Variants in CFAP77 observed in about 807,000 individuals in gnomAD.
CFAP77 encodes the protein cilia- and flagella-associated protein 77.
Under a neutral mutation model 31.1 loss-of-function variants are expected in CFAP77, and 25 were observed. The observed-to-expected ratio is 0.80, with a 90% CI of 0.59 to 1.12. CFAP77 has a LOEUF of 1.12. CFAP77 is among the 50% of genes most tolerant of loss of function. CFAP77 has a pLI of 0.00. For missense variants in CFAP77, 377 were observed against 397.3 expected, an observed-to-expected ratio of 0.95 and a Z score of 0.44; for synonymous variants, 151 against 159.9, an observed-to-expected ratio of 0.94 and a Z score of 0.42.
At position 132,517,989 on chromosome 9, in the gene CFAP77, G is replaced by C. The variant is rs771734466; in HGVS notation, c.524+18389G>C. ...GCTTTATGGGACTGAGTTTTGACCC[G>C]GTTTTGTTGCTAGTGGGCGCGTCCG... On this transcript the variant is annotated intron_variant, in intron 3 of 5. Coordinates refer to ENST00000393216, the MANE Select transcript of CFAP77 (RefSeq NM_001282957.2). The surrounding 1 kb of genome is among the most constrained non-coding windows in gnomAD (Gnocchi z 4.7). Among the ~76,000 whole-genome samples, 1 of 152,072 alleles carries C rather than the reference G, an allele frequency of 6.6e-6. No individual in the cohort carries two copies. The highest frequency in any genetic ancestry group is 1.5e-5 in the Non-Finnish European group (1 of 68,008).
chr9:132,460,297 C>T (rs1251270582), intron 1 of CFAP77, among the ~76,000 whole-genome samples: 1 of 152,166 alleles, frequency 6.6e-6, no homozygotes, highest in Non-Finnish European at 1.5e-5. Context: ...TGACTTGACT[C>T]CCCAAAGCCA....
At chr9:132,468,571 T>C (rs980570013) in intron 1 of CFAP77, among the ~76,000 whole-genome samples, 3 of 152,214 alleles carry the variant, frequency 2.0e-5, no homozygotes, top group East Asian at 3.9e-4. Flanking sequence ...CAGGAAGCCT[T>C]CCCTGACCAC....
intron 3 of CFAP77, among the ~76,000 whole-genome samples, chr9:132,500,841 T>C (rs1340271856): frequency 1.3e-5 from 2 of 152,210 alleles, no homozygotes; most frequent in African/African-American, 4.8e-5. Context: ...CTAGTGCTAA[T>C]GAGGGCCCAC....
intron 4 of CFAP77, among the ~76,000 whole-genome samples, chr9:132,541,627 G>A (rs576662471): frequency 6.6e-6 from 1 of 152,308 alleles, no homozygotes; most frequent in East Asian, 1.9e-4. Context: ...GGGAGGCTGA[G>A]GCAGGAGAGT....
chr9:132,419,037 G>A (rs1292621776), intron 1 of CFAP77, among the ~76,000 whole-genome samples: 2 of 152,118 alleles, frequency 1.3e-5, no homozygotes, highest in East Asian at 3.9e-4. Context: ...TCAAAGGCAC[G>A]TCAGGGTTCG....
intron 1 of CFAP77, among the ~76,000 whole-genome samples, chr9:132,488,828 C>G (rs879378956): frequency 6.6e-6 from 1 of 152,096 alleles, no homozygotes; most frequent in Admixed American, 6.5e-5. Context: ...AGGAGGAGCC[C>G]GGAGAATCCC....
chr9:132,458,002 T>G (rs1054189903), intron 1 of CFAP77, among the ~76,000 whole-genome samples: 7 of 152,168 alleles, frequency 4.6e-5, no homozygotes, highest in African/African-American at 7.2e-5. Context: ...CCCGATCCCT[T>G]ATTTCCGAAG....
chr9:132,482,622 C>T (rs1029786349), intron 1 of CFAP77, among the ~76,000 whole-genome samples: 3 of 151,992 alleles, frequency 2.0e-5, no homozygotes, highest in Non-Finnish European at 4.4e-5. Flanking sequence ...CTCCGAGAGG[C>T]CAAGTAACTT....
intron 1 of CFAP77, among the ~76,000 whole-genome samples, chr9:132,428,501 G>C (rs1489166150): frequency 6.6e-6 from 1 of 152,192 alleles, no homozygotes; most frequent in Admixed American, 6.5e-5. Flanking sequence ...TGTAATCCCA[G>C]TTACTTGGGA....
At chr9:132,519,863 AATGG>A (rs1370711141) in intron 3 of CFAP77, among the ~76,000 whole-genome samples, 9 of 44,454 alleles carry the variant, frequency 2.0e-4, no homozygotes, top group South Asian at 1.9e-3. Flanking sequence ...TGGGTGGATG[AATGG>A]ATGGATGGAT....
At chr9:132,546,963 C>G (rs1265625889) in intron 5 of CFAP77, among the ~76,000 whole-genome samples, 1 of 152,218 alleles carries the variant, frequency 6.6e-6, no homozygotes, top group Non-Finnish European at 1.5e-5. Context: ...GATGGGGGCC[C>G]TTGGAGGTGC....
chr9:132,542,387 A>C (rs1402654366), intron 4 of CFAP77, among the ~76,000 whole-genome samples: 1 of 152,238 alleles, frequency 6.6e-6, no homozygotes, highest in Admixed American at 6.5e-5. Context: ...GGCACCTGTC[A>C]GTGGGCACAG....
intron 5 of CFAP77, among the ~76,000 whole-genome samples, chr9:132,569,728 C>CTTTTTTTT (rs558402201): frequency 3.0e-5 from 3 of 98,474 alleles, no homozygotes; most frequent in Admixed American, 1.2e-4. Context: ...TCTAGCTGCC[C>CTTTTTTTT]TTTTTTTTTT....
At chr9:132,488,864 A>T (rs1395391629) in intron 1 of CFAP77, among the ~76,000 whole-genome samples, 1 of 152,094 alleles carries the variant, frequency 6.6e-6, no homozygotes, top group Non-Finnish European at 1.5e-5. Flanking sequence ...GGGGAGAGAG[A>T]TGGTTTTAAT....
intron 1 of CFAP77, among the ~76,000 whole-genome samples, chr9:132,457,143 CA>C (rs978452286): frequency 9.9e-5 from 15 of 152,218 alleles, no homozygotes; most frequent in African/African-American, 3.6e-4. Flanking sequence ...CGGTCACCCC[CA>C]CCCCTGAAGA....
intron 1 of CFAP77, among the ~76,000 whole-genome samples, chr9:132,414,588 G>A (rs550199560): frequency 2.6e-5 from 4 of 151,826 alleles, no homozygotes; most frequent in South Asian, 2.1e-4. Context: ...CCCCACCCCC[G>A]TAAGTTTTCA....
intron 3 of CFAP77, among the ~76,000 whole-genome samples, chr9:132,523,563 G>A (rs935537274): frequency 6.6e-6 from 1 of 152,130 alleles, no homozygotes; most frequent in African/African-American, 2.4e-5. Context: ...GAAGGCCGTC[G>A]CTTTTACAAA....
At chr9:132,562,704 TA>T (rs1315254020) in intron 5 of CFAP77, among the ~76,000 whole-genome samples, 4 of 152,108 alleles carry the variant, frequency 2.6e-5, no homozygotes, top group African/African-American at 7.2e-5. Context: ...TGTTTTATTT[TA>T]TTTTTTTTTT....
At chr9:132,426,777 T>G (rs1284878246) in intron 1 of CFAP77, among the ~76,000 whole-genome samples, 3 of 152,216 alleles carry the variant, frequency 2.0e-5, no homozygotes, top group African/African-American at 7.2e-5. Flanking sequence ...GGCAGTGGTT[T>G]ATGGTGACAT....
Sources: allele counts gnomAD v4.1 joint callset (sites outside exome capture counted in the v4.1 genomes callset), GRCh38; gene constraint gnomAD v4.1.1; non-coding constraint Gnocchi (gnomAD v3.1); transcripts MANE v1.5; gene names NCBI Gene and HGNC (gene_info 2026-07-23, HGNC 2026-07-21).